The following MGAT5B variants were observed in gnomAD, a reference collection of about 807,000 sequenced individuals.
MGAT5B encodes N-acetylglucosaminyl-transferase Vb.
MGAT5B carries 54 observed loss-of-function variants against 95.1 expected under a neutral mutation model. The ratio of observed to expected loss-of-function variants is 0.57; its 90% CI spans 0.46 to 0.71. MGAT5B has a LOEUF of 0.71. Ranked by LOEUF, MGAT5B falls within the 30% of genes least tolerant of loss-of-function variation. The pLI is 0.00. For missense variants in MGAT5B, 935 were observed against 1,088.6 expected, an observed-to-expected ratio of 0.86 and a Z score of 1.99; for synonymous variants, 464 against 451.0, an observed-to-expected ratio of 1.03 and a Z score of -0.36.
chr17:76,890,906 G>A (rs1288444783), intron 3 of MGAT5B, among the ~76,000 whole-genome samples: 1 of 151,280 alleles, frequency 6.6e-6, no homozygotes, highest in Non-Finnish European at 1.5e-5. Context: ...TAGATGATCA[G>A]CTTCTTGCTG....
At chr17:76,943,631 G>GGA in intron 15 of MGAT5B, among the ~76,000 whole-genome samples, 1 of 146,004 alleles carries the variant, frequency 6.8e-6, no homozygotes, top group African/African-American at 2.5e-5. Flanking sequence ...GGTGGGGGGG[G>GGA]GGTCTCATTT....
In MGAT5B at chr17:76,906,488, C is replaced by A. The variant is rs375063054; in HGVS notation, c.1025+301C>A. The stretch of plus-strand genomic sequence containing the variant: ...ACACGTGTTGGCTTGTGGAATTGAG[C>A]CACGTCTGCACGTGGGGTCCCCTCT... On this transcript the variant is annotated intron_variant, in intron 8 of 17. Coordinates refer to ENST00000569840, the MANE Select transcript of MGAT5B (RefSeq NM_001199172.2). The surrounding 1 kb of genome is among the most constrained non-coding windows in gnomAD (Gnocchi z 4.6). Among the ~76,000 whole-genome samples, 10 of 152,188 alleles carry A rather than the reference C, an allele frequency of 6.6e-5. No individual in the cohort carries two copies. The East Asian group carries it at 1.3e-3, about 20-fold the overall frequency.
At position 76,921,530 on chromosome 17, in the gene MGAT5B, C is replaced by T. The variant is rs148955154; in HGVS notation, c.1026-3436C>T. On this transcript the variant is annotated intron_variant, in intron 8 of 17. Transcript: ENST00000569840. ...ATGGGGTGAGGCCTGACTGCCCAAG[C>T]GGGTCCTGCATCAGGTGGGGCTCAG... Among the ~76,000 whole-genome samples, 173 of 152,234 alleles carry T rather than the reference C, an allele frequency of 1.1e-3. 1 individual carries two copies. The highest frequency in any genetic ancestry group is 3.9e-3 in the African/African-American group (162 of 41,546).
In MGAT5B at chr17:76,872,912, C is replaced by A. The variant is rs759723780; in HGVS notation, c.130C>A (p.Gln44Lys). Residue 44 changes from glutamine (Q) to lysine (K), a missense_variant, in exon 2 of 18, where the codon CAG becomes AAG. This residue lies in a region of MGAT5B where 243 missense variants were observed against 228.2 expected (regional missense o/e 1.06). Transcript: ENST00000569840. Reference sequence around the variant, plus strand: ...CTTCCTGATGACGTCTCTGGGAGGCCAGTTCTCGGCCCGGCGCCTGGGGGA... The same window carrying A: ...CTTCCTGATGACGTCTCTGGGAGGCAAGTTCTCGGCCCGGCGCCTGGGGGA... ...LCFLMTSLGGQFSARRLGDSP... is the reference protein window; with the variant it reads ...LCFLMTSLGGKFSARRLGDSP... 6.2e-7 allele frequency: 1 copy of A among 1,614,194 alleles called. No homozygotes were observed. The highest frequency in any genetic ancestry group is 1.1e-5 in the South Asian group (1 of 91,086).
In MGAT5B at chr17:76,939,029, G is replaced by GGGGTGTGT. The variant is rs1237086611; in HGVS notation, c.1584+887_1584+888insGGTGTGTG. On this transcript the variant is annotated intron_variant, in intron 13 of 17. Transcript: ENST00000569840. ...AGCTTGTTTCCCAAGGCATCTTGGG[G>GGGGTGTGT]GTGTGTGTGTGTGTGTGTGTGTGTG... Among the ~76,000 whole-genome samples, 1,135 of 128,246 alleles carry GGGGTGTGT rather than the reference G, an allele frequency of 8.9e-3. 16 individuals are homozygous for GGGGTGTGT. The highest frequency in any genetic ancestry group is 0.037 in the Admixed American group (464 of 12,404). 84.1% of individuals were successfully genotyped at this position (128,246 alleles called of 152,430 possible).
In MGAT5B at chr17:76,882,025, G is replaced by A; in HGVS notation, c.182-126G>A. ...GCCTGGGAAGATGGAGCTGAGGCTG[G>A]GGTCTGGTGTTGGTTGGTGCTGGGG... On this transcript the variant is annotated intron_variant, in intron 2 of 17. Transcript: ENST00000569840. The A allele has an allele frequency of 3.3e-6, 3 of 917,904 alleles. No homozygotes were observed. In the South Asian group the frequency reaches 5.6e-5, roughly 17 times the overall value. The allele number at this position is 917,904 out of a possible 1,614,324, so 56.9% of individuals were successfully genotyped here. A position where few individuals can be genotyped will look rare whatever the true frequency, so the allele number is the denominator to read the frequency against.
intron 3 of MGAT5B, among the ~76,000 whole-genome samples, chr17:76,902,080 T>C (rs1321941123): frequency 6.6e-6 from 1 of 152,004 alleles, no homozygotes; most frequent in Non-Finnish European, 1.5e-5. Context: ...ATGTGTGCAG[T>C]TGTGGGCGCA....
chr17:76,913,779 A>G (rs1968828670), intron 8 of MGAT5B: 1 of 469,882 alleles, frequency 2.1e-6, no homozygotes, highest in Admixed American at 2.3e-5. Context: ...CTCATTGAAA[A>G]GCCAAGTAAG....
In MGAT5B at chr17:76,903,286, G is replaced by T; in HGVS notation, c.446-17G>T. ...TCCTTGGACCAGGGACTTCAGCAAG[G>T]TGACCTCTCCCTACAGTGTCAGAAG... is the stretch of plus-strand genomic sequence containing the variant. On this transcript the variant is annotated splice_polypyrimidine_tract_variant and intron_variant, in intron 4 of 17. Transcript: ENST00000569840. The T allele has an allele frequency of 6.2e-7, 1 of 1,603,568 alleles. No individual in the cohort carries two copies. Among genetic ancestry groups the T allele is most frequent in the Non-Finnish European group, 8.5e-7 (1 of 1,174,548 alleles).
In MGAT5B at chr17:76,914,380, A is replaced by T. The variant is rs1472928792; in HGVS notation, c.1025+8193A>T. Among the ~76,000 whole-genome samples the T allele has an allele frequency of 6.6e-6, 1 of 152,176 alleles. No individual in the cohort carries two copies. ...GAGCAGGGGTTACAGAATCGCAGGCAGGTGTGTTTGCCTCCTGGGGGTGAC... is the reference window on the plus strand; with the variant it reads ...GAGCAGGGGTTACAGAATCGCAGGCTGGTGTGTTTGCCTCCTGGGGGTGAC... On this transcript the variant is annotated intron_variant, in intron 8 of 17. Transcript: ENST00000569840. This position sits in a 1 kb window ranked among gnomAD's most constrained non-coding sequence, Gnocchi z 5.1.
intron 8 of MGAT5B, among the ~76,000 whole-genome samples, chr17:76,911,668 G>C (rs1471175637): frequency 3.3e-5 from 5 of 152,256 alleles, no homozygotes; most frequent in Admixed American, 3.3e-4. Context: ...TGAGGCCAGG[G>C]TGGAGGCAGA....
intron 2 of MGAT5B, among the ~76,000 whole-genome samples, chr17:76,876,459 G>GA (rs34848815): frequency 0.23 from 30,279 of 130,704 alleles, 3,726 homozygotes; most frequent in East Asian, 0.45. Context: ...CTGCTATTTA[G>GA]AAAAAAAAAA....
chr17:76,932,550 CAA>C (rs1444058699), intron 10 of MGAT5B, 93 bp from the exon 11 acceptor site: 3 of 1,558,592 alleles, frequency 1.9e-6, no homozygotes, highest in Non-Finnish European at 2.6e-6. Context: ...CCACCCCTGC[CAA>C]AAGAGGACCT....
rs533073147 is a variant in MGAT5B at position 76,869,871 on chromosome 17, G to A, written c.68+774G>A. Among the ~76,000 whole-genome samples, 694 of 152,210 alleles carry A rather than the reference G, an allele frequency of 4.6e-3. 6 individuals carry two copies. Among genetic ancestry groups the A allele is most frequent in the African/African-American group, 0.016 (654 of 41,554 alleles). The stretch of plus-strand genomic sequence containing the variant: ...GCGGGACTCACTGGACCCAGCCAGG[G>A]GCCCCCAGGGCCCAGCGGTGCCGGG... On this transcript the variant is annotated intron_variant, in intron 1 of 17. Coordinates refer to ENST00000569840, the MANE Select transcript of MGAT5B (RefSeq NM_001199172.2). The surrounding 1 kb of genome is among the most constrained non-coding windows in gnomAD (Gnocchi z 7.0).
chr17:76,908,971 T>C (rs1446683549), intron 8 of MGAT5B, among the ~76,000 whole-genome samples: 1 of 151,994 alleles, frequency 6.6e-6, no homozygotes, highest in East Asian at 1.9e-4. Context: ...CGTGCCCAGC[T>C]AATTTTTGTA....
At position 76,942,293 on chromosome 17, in the gene MGAT5B, C is replaced by T. The variant is rs576227049; in HGVS notation, c.1848+1445C>T. ...CTGTAATCCCTGCACTTTGGGAGGC[C>T]GAAGCGGGCGGATCACTTGAGGCCA... On this transcript the variant is annotated intron_variant, in intron 15 of 17. Transcript: ENST00000569840. 5.3e-5 allele frequency among the ~76,000 whole-genome samples: 8 copies of T among 152,216 alleles called. No homozygotes were observed. In the East Asian group the frequency reaches 5.8e-4, roughly 11 times the overall value.
At chr17:76,880,200 C>G (rs1053932573) in intron 2 of MGAT5B, among the ~76,000 whole-genome samples, 7 of 152,178 alleles carry the variant, frequency 4.6e-5, no homozygotes, top group Admixed American at 6.5e-5. Context: ...CCACATCCCC[C>G]CTGCTCCCAT....
At chr17:76,919,009 A>T (rs1969036991) in intron 8 of MGAT5B, among the ~76,000 whole-genome samples, 1 of 152,244 alleles carries the variant, frequency 6.6e-6, no homozygotes, top group Admixed American at 6.5e-5. Context: ...AGCTTAGAAG[A>T]GACCGTGGAG....
At chr17:76,935,437 C>CCAGCAATGTAT (rs1362165176) in intron 12 of MGAT5B, among the ~76,000 whole-genome samples, 12 of 152,136 alleles carry the variant, frequency 7.9e-5, no homozygotes, top group Non-Finnish European at 1.6e-4. Flanking sequence ...AAAGTTATTA[C>CCAGCAATGTAT]GAGGCTTTCA....
Sources: gnomAD v4.1 joint callset for allele counts (sites outside exome capture counted in the v4.1 genomes callset) on GRCh38, gnomAD v4.1.1 for gene constraint, gnomAD v4.1.1 regional missense constraint, Gnocchi (gnomAD v3.1) non-coding constraint, MANE v1.5 for transcripts, NCBI Gene and HGNC (gene_info 2026-07-23, HGNC 2026-07-21) for gene names.